Variants in BAP1 observed in about 807,000 individuals in gnomAD.
BAP1 encodes ubiquitin carboxyl-terminal hydrolase BAP1.
In BAP1, 16 loss-of-function variants were observed where a neutral mutation model predicts 77.2. The ratio of observed to expected loss-of-function variants is 0.21; its 90% CI spans 0.14 to 0.31. The LOEUF is 0.31. BAP1 is among the 10% of genes least tolerant of loss of function. BAP1 has a pLI of 1.00. For missense variants in BAP1, 699 were observed against 967.3 expected, an observed-to-expected ratio of 0.72 and a Z score of 3.68; for synonymous variants, 362 against 385.2, an observed-to-expected ratio of 0.94 and a Z score of 0.71.
chr3:52,406,571 C>A lies in BAP1; in HGVS notation c.660-195G>T. The A allele has an allele frequency of 1.0e-6, 1 of 957,990 alleles. No homozygotes were observed. 59.3% of individuals were successfully genotyped at this position (957,990 alleles called of 1,614,324 possible). A position where few individuals can be genotyped will look rare whatever the true frequency, so the allele number is the denominator to read the frequency against. On this transcript the variant is annotated intron_variant, in intron 8 of 16. Transcript: ENST00000460680. This position sits in a 1 kb window ranked among gnomAD's most constrained non-coding sequence, Gnocchi z 4.6. ...ACCTTCCAACAAGCTGTATGAGGGG[C>A]CTATCTGGAAGTGAACCAGCAGACC...
Position 52,401,255 on chromosome 3 carries a change from A to G in BAP1, c.*1033T>C. ...GCTGGGCCCATTACCCCTTGGCATC[A>G]GGTCCTCTGGAACACAGGGGCTCCA... On this transcript the variant is annotated 3_prime_UTR_variant, in exon 17 of 17. Coordinates refer to ENST00000460680, the MANE Select transcript of BAP1 (RefSeq NM_004656.4). The G allele has an allele frequency of 4.3e-6, 1 of 233,142 alleles. No homozygotes were observed. Among genetic ancestry groups the G allele is most frequent in the African/African-American group, 2.2e-5 (1 of 45,452 alleles). The allele number at this position is 233,142 out of a possible 1,614,324, so 14.4% of individuals were successfully genotyped here. A position where few individuals can be genotyped will look rare whatever the true frequency, so the allele number is the denominator to read the frequency against.
Position 52,404,587 on chromosome 3 carries a change from C to A in BAP1, c.1117-1G>T, listed in dbSNP as rs2153226890. The A allele has an allele frequency of 6.2e-7, 1 of 1,613,074 alleles. No individual in the cohort carries two copies. Among genetic ancestry groups the A allele is most frequent in the Non-Finnish European group, 8.5e-7 (1 of 1,179,652 alleles). Reference sequence around the variant, plus strand: ...CACCTGCCGCCAGGTCTTCTTCCTCCTGGGACAAAGACCAGGGCAGTTACA... The same window carrying A: ...CACCTGCCGCCAGGTCTTCTTCCTCATGGGACAAAGACCAGGGCAGTTACA... On this transcript the variant is annotated splice_acceptor_variant, in intron 11 of 16. Coordinates refer to ENST00000460680, the MANE Select transcript of BAP1 (RefSeq NM_004656.4). LOFTEE classifies it high-confidence loss of function.
rs1402326224 is a variant in BAP1, at chr3:52,406,237, A to T, written c.783+16T>A. 2 of 1,613,980 alleles carry T rather than the reference A, an allele frequency of 1.2e-6. No individual in the cohort carries two copies. The highest frequency in any genetic ancestry group is 2.7e-5 in the African/African-American group (2 of 74,922). ...AGGGTTGGGCTGGGCAGAGGCCAGG[A>T]AGAAAGGGCACCTACCTGCTGCAGA... On this transcript the variant is annotated intron_variant, in intron 9 of 16. Transcript: ENST00000460680. The surrounding 1 kb of genome is among the most constrained non-coding windows in gnomAD (Gnocchi z 4.6).
At position 52,403,263 on chromosome 3, in the gene BAP1, T is replaced by C. The variant is rs2153226504; in HGVS notation, c.1765A>G (p.Ile589Val). 6.2e-7 allele frequency: 1 copy of C among 1,613,960 alleles called. No homozygotes were observed. The highest frequency in any genetic ancestry group is 8.5e-7 in the Non-Finnish European group (1 of 1,179,978). Reference sequence around the variant, plus strand: ...CTGCTGGACCCCTGGCTGCCTTGGATTGGTCTGATGGAGGGCGAGGAACCC... The same window carrying C: ...CTGCTGGACCCCTGGCTGCCTTGGACTGGTCTGATGGAGGGCGAGGAACCC... ...GKGSSPSIRPIQGSQGSSSPV... is the reference protein window; with the variant it reads ...GKGSSPSIRPVQGSQGSSSPV... Residue 589 changes from isoleucine (I) to valine (V), a missense_variant, in exon 14 of 17, where the codon ATC becomes GTC. By Grantham distance (29) the Ile-to-Val change is conservative (BLOSUM62 3). Transcript: ENST00000460680. The surrounding 1 kb of genome is among the most constrained non-coding windows in gnomAD (Gnocchi z 4.0).
In BAP1 at chr3:52,402,018, T is replaced by G; in HGVS notation, c.*270A>C. On this transcript the variant is annotated 3_prime_UTR_variant, in exon 17 of 17. Coordinates refer to ENST00000460680, the MANE Select transcript of BAP1 (RefSeq NM_004656.4). This position sits in a 1 kb window ranked among gnomAD's most constrained non-coding sequence, Gnocchi z 5.3. ...CTGCCCAGGCAGAAGGGCCAGGTCC[T>G]GCTGCTCCACAGCCGGCTGTGGAGG... The G allele has an allele frequency of 1.7e-6, 1 of 588,238 alleles. No individual in the cohort carries two copies. The highest frequency in any genetic ancestry group is 3.0e-5 in the Admixed American group (1 of 32,802). The allele number at this position is 588,238 out of a possible 1,614,324, so 36.4% of individuals were successfully genotyped here.
intron 11 of BAP1, 118 bp from the exon 12 acceptor site, chr3:52,404,704 C>T: frequency 7.0e-7 from 1 of 1,426,634 alleles, no homozygotes; most frequent in Non-Finnish European, 9.5e-7. Flanking sequence ...CGGAACCCCT[C>T]CAGCTGTTCC....
At chr3:52,408,635 C>A (rs753651636) in intron 3 of BAP1, 29 bp from the exon 4 acceptor site, 2 of 1,602,442 alleles carry the variant, frequency 1.2e-6, no homozygotes, top group Non-Finnish European at 1.7e-6. Flanking sequence ...AGAGCCAGAT[C>A]AGCCAAAGGG....
Position 52,406,027 on chromosome 3 carries a change from C to T in BAP1, c.784-115G>A. 1.3e-6 allele frequency: 2 copies of T among 1,539,686 alleles called. No individual in the cohort carries two copies. Among genetic ancestry groups the T allele is most frequent in the Admixed American group, 1.8e-5 (1 of 54,252 alleles). On this transcript the variant is annotated intron_variant, in intron 9 of 16. Transcript: ENST00000460680. This position sits in a 1 kb window ranked among gnomAD's most constrained non-coding sequence, Gnocchi z 4.6. The stretch of plus-strand genomic sequence containing the variant: ...GGCCTTGGCTCTACCCATTCACTCA[C>T]AGGGAAATAAAACACCCAAACCCAA...
In BAP1 at chr3:52,403,321, AATC is replaced by A. The variant is rs1452570645; in HGVS notation, c.1730-26_1730-24del. The A allele has an allele frequency of 6.2e-7, 1 of 1,613,240 alleles. No individual in the cohort carries two copies. The highest frequency in any genetic ancestry group is 2.2e-5 in the East Asian group (1 of 44,872). On this transcript the variant is annotated intron_variant, in intron 13 of 16. Transcript: ENST00000460680. This position sits in a 1 kb window ranked among gnomAD's most constrained non-coding sequence, Gnocchi z 4.0. ...CCTCTGGGAAGAGAGGTCACAAGAA[AATC>A]ATCAGAGTGCAGGACACTTTGTGGT... is the stretch of plus-strand genomic sequence containing the variant.
chr3:52,403,979 G>A lies in BAP1; in HGVS notation c.1251-85C>T, dbSNP rs1039717238. On this transcript the variant is annotated intron_variant, in intron 12 of 16. Coordinates refer to ENST00000460680, the MANE Select transcript of BAP1 (RefSeq NM_004656.4). The surrounding 1 kb of genome is among the most constrained non-coding windows in gnomAD (Gnocchi z 4.0). ...ACCCAGAATGGCTTAAATACATCCCGACCTCCAGGGGCTGACCCTAAAACT... is the reference window on the plus strand; with the variant it reads ...ACCCAGAATGGCTTAAATACATCCCAACCTCCAGGGGCTGACCCTAAAACT... 13 of 1,389,642 alleles carry A rather than the reference G, an allele frequency of 9.4e-6. No homozygotes were observed. Among genetic ancestry groups the A allele is most frequent in the African/African-American group, 2.8e-5 (2 of 70,604 alleles). 86.1% of individuals were successfully genotyped at this position (1,389,642 alleles called of 1,614,324 possible). A position where few individuals can be genotyped will look rare whatever the true frequency, so the allele number is the denominator to read the frequency against.
intron 10 of BAP1, 76 bp downstream of exon 10, chr3:52,405,689 T>C: frequency 6.3e-7 from 1 of 1,586,536 alleles, no homozygotes; most frequent in Non-Finnish European, 8.6e-7. Flanking sequence ...AAAAAGACTT[T>C]CCCTGTTTAG....
In BAP1 at chr3:52,403,428, G is replaced by A. The variant is rs2153226574; in HGVS notation, c.1717C>T (p.Leu573=). Residue 573 remains leucine (L), a synonymous_variant, in exon 13 of 17, where the codon CTG becomes TTG. Coordinates refer to ENST00000460680, the MANE Select transcript of BAP1 (RefSeq NM_004656.4). This position sits in a 1 kb window ranked among gnomAD's most constrained non-coding sequence, Gnocchi z 4.0. ...HLAEDGVLSP[L]ALTEGGKGSS... is the part of the protein sequence containing the mutation. ...GTCCAAGGCCCACCTGTCAGCGCCA[G>A]GGGACTCAGCACCCCATCCTCAGCC... The A allele has an allele frequency of 6.2e-7, 1 of 1,613,744 alleles. No homozygotes were observed. The highest frequency in any genetic ancestry group is 8.5e-7 in the Non-Finnish European group (1 of 1,179,964).
rs2153227525 is a variant in BAP1 at position 52,406,407 on chromosome 3, C to G, written c.660-31G>C. 6.2e-7 allele frequency: 1 copy of G among 1,610,930 alleles called. No homozygotes were observed. Among genetic ancestry groups the G allele is most frequent in the East Asian group, 2.2e-5 (1 of 44,880 alleles). On this transcript the variant is annotated intron_variant, in intron 8 of 16. Coordinates refer to ENST00000460680, the MANE Select transcript of BAP1 (RefSeq NM_004656.4). This position sits in a 1 kb window ranked among gnomAD's most constrained non-coding sequence, Gnocchi z 4.6. ...GTCACAGCCGCAGCCGTGAGAGCAG[C>G]TCCCGCCCCGGCCCCGCCATCAGGT...
In BAP1 at chr3:52,406,635, C is replaced by T; in HGVS notation, c.659+194G>A. On this transcript the variant is annotated intron_variant, in intron 8 of 16. Coordinates refer to ENST00000460680, the MANE Select transcript of BAP1 (RefSeq NM_004656.4). This position sits in a 1 kb window ranked among gnomAD's most constrained non-coding sequence, Gnocchi z 4.6. ...GCTCCACTGAGGCCTGCCCCTCCCC[C>T]AGCCCACCCAGGAGCAGGCCACAGG... is the stretch of plus-strand genomic sequence containing the variant. 1 of 874,408 alleles carries T rather than the reference C, an allele frequency of 1.1e-6. No individual in the cohort carries two copies. Among genetic ancestry groups the T allele is most frequent in the Non-Finnish European group, 1.8e-6 (1 of 564,428 alleles). 54.2% of individuals were successfully genotyped at this position (874,408 alleles called of 1,614,324 possible).
intron 10 of BAP1, 40 bp downstream of exon 10, chr3:52,405,725 T>A: frequency 6.2e-7 from 1 of 1,610,866 alleles, no homozygotes; most frequent in East Asian, 2.2e-5. Flanking sequence ...CATTAGCGGG[T>A]GGCTCTGAGG....
intron 10 of BAP1, 160 bp downstream of exon 10, chr3:52,405,605 G>A (rs905423815): frequency 8.8e-7 from 1 of 1,132,114 alleles, no homozygotes; most frequent in South Asian, 1.5e-5. Flanking sequence ...CTTTACAGGT[G>A]CCTTTCTTTA....
In BAP1 at chr3:52,405,884, A is replaced by G. The variant is rs1362490138; in HGVS notation, c.812T>C (p.Ile271Thr). The stretch of plus-strand genomic sequence containing the variant: ...TGACTCTTGAGACTTGTGGGTCTGA[A>G]TCAGCTCTGGCTGTGTTACTCTTAT... The part of the protein sequence containing the change: ...QLIRVTQPEL[I>T]QTHKSQESQL... The change falls in exon 10 of 17, where the codon ATT becomes ACT. Residue 271 changes from isoleucine (I) to threonine (T), a missense_variant. Physicochemically the swap from Ile to Thr is moderately conservative, Grantham distance 89. This residue lies in a region of BAP1 where 475 missense variants were observed against 532.4 expected (regional missense o/e 0.89). Transcript: ENST00000460680. The G allele has an allele frequency of 6.2e-7, 1 of 1,614,112 alleles. No individual in the cohort carries two copies. The highest frequency in any genetic ancestry group is 8.5e-7 in the Non-Finnish European group (1 of 1,180,028).
chr3:52,405,492 GAAAAAAAAAAAAAAAAA>G lies in BAP1; in HGVS notation c.932-215_932-199del, dbSNP rs71084182. ...TGAGATGGGAAAAAAGAAGCAGGAAGAAAAAAAAAAAAAAAAAAAAAAAAAAAAACCGCCTCTAGAGA... is the reference window on the plus strand; with the variant it reads ...TGAGATGGGAAAAAAGAAGCAGGAAGAAAAAAAAAAAACCGCCTCTAGAGA... On this transcript the variant is annotated intron_variant, in intron 10 of 16. Coordinates refer to ENST00000460680, the MANE Select transcript of BAP1 (RefSeq NM_004656.4). 9 of 81,300 alleles carry G rather than the reference GAAAAAAAAAAAAAAAAA, an allele frequency of 1.1e-4. 1 individual carries two copies. The highest frequency in any genetic ancestry group is 1.8e-4 in the African/African-American group (2 of 10,914). The allele number at this position is 81,300 out of a possible 1,614,324, so 5.0% of individuals were successfully genotyped here.
intron 11 of BAP1, among the ~76,000 whole-genome samples, 163 bp from the exon 12 acceptor site, chr3:52,404,749 CCACTTA>C (rs1328359635): frequency 6.6e-6 from 1 of 152,178 alleles, no homozygotes; most frequent in African/African-American, 2.4e-5. Context: ...AGGCTGCCAC[CCACTTA>C]CACTGGATAG....
Sources: allele counts gnomAD v4.1 joint callset (sites outside exome capture counted in the v4.1 genomes callset), GRCh38; gene constraint gnomAD v4.1.1; regional missense constraint gnomAD v4.1.1; non-coding constraint Gnocchi (gnomAD v3.1); transcripts MANE v1.5; gene names NCBI Gene and HGNC (gene_info 2026-07-23, HGNC 2026-07-21).